Variants in FAM178B observed in about 807,000 individuals in gnomAD.
FAM178B encodes family with sequence similarity 178 member B, also known as protein FAM178B.
Under a neutral mutation model 91.7 loss-of-function variants are expected in FAM178B, and 82 were observed. The observed-to-expected ratio is 0.89, with a 90% CI of 0.75 to 1.07. The LOEUF is 1.07. Ranked by LOEUF, FAM178B falls within the 50% of genes least tolerant of loss-of-function variation. The pLI is 0.00. For synonymous variants in FAM178B, 368 were observed against 359.4 expected (o/e 1.02, Z -0.27); for missense variants, 769 against 846.7 (o/e 0.91, Z 1.14).
At chr2:96,964,824 CA>C (rs2082124476) in intron 5 of FAM178B, among the ~76,000 whole-genome samples, 1 of 152,072 alleles carries the variant, frequency 6.6e-6, no homozygotes, top group African/African-American at 2.4e-5. Flanking sequence ...AATCATACGT[CA>C]ATCATTCCCA....
At chr2:96,979,314 C>G (rs912236097) in intron 1 of FAM178B, among the ~76,000 whole-genome samples, 12 of 125,210 alleles carry the variant, frequency 9.6e-5, no homozygotes, top group African/African-American at 3.5e-4. Context: ...GAGTCGCACT[C>G]TGTCATCCAG....
Position 96,986,363 on chromosome 2 carries a change from C to T in FAM178B, c.-50G>A. ...GGTGAGGGAGGGTGGCGGGAATTCGCACGGCCTCAGAGGACGGGGCCAGCT... is the reference window on the plus strand; with the variant it reads ...GGTGAGGGAGGGTGGCGGGAATTCGTACGGCCTCAGAGGACGGGGCCAGCT... On this transcript the variant is annotated 5_prime_UTR_variant, in exon 1 of 17. Coordinates refer to ENST00000490605, the MANE Select transcript of FAM178B (RefSeq NM_001122646.3). 6.6e-7 allele frequency: 1 copy of T among 1,525,024 alleles called. No homozygotes were observed. The highest frequency in any genetic ancestry group is 8.8e-7 in the Non-Finnish European group (1 of 1,142,818). 94.5% of individuals were successfully genotyped at this position (1,525,024 alleles called of 1,614,324 possible).
chr2:96,905,481 C>A (rs1304876295), intron 12 of FAM178B, among the ~76,000 whole-genome samples: 1 of 149,422 alleles, frequency 6.7e-6, no homozygotes, highest in Admixed American at 6.7e-5. Flanking sequence ...TGCTTGAACC[C>A]GGGAGGCAGA....
intron 7 of FAM178B, chr2:96,950,125 G>A (rs1272653006): frequency 1.3e-5 from 13 of 985,404 alleles, no homozygotes; most frequent in Non-Finnish European, 1.4e-5. Context: ...ACGCCCCCGG[G>A]AAGGCACTCC....
chr2:96,949,894 C>T, intron 7 of FAM178B: 3 of 821,344 alleles, frequency 3.7e-6, no homozygotes, highest in Non-Finnish European at 4.4e-6. Context: ...AGGCCTGGCT[C>T]CGAGGCACAG....
intron 15 of FAM178B, 64 bp downstream of exon 15, chr2:96,878,351 CG>C (rs1248345400): frequency 9.4e-5 from 141 of 1,493,608 alleles, no homozygotes; most frequent in East Asian, 4.0e-4. Context: ...AGCCAACCCC[CG>C]CCGCTTGGGG....
intron 12 of FAM178B, among the ~76,000 whole-genome samples, chr2:96,905,573 A>G (rs1405137672): frequency 2.9e-4 from 44 of 150,466 alleles, no homozygotes; most frequent in African/African-American, 2.4e-5. Flanking sequence ...AAAAAAAGAA[A>G]AAGAAAAAGA....
chr2:96,940,245 T>C (rs2081704291), intron 8 of FAM178B, among the ~76,000 whole-genome samples: 1 of 152,156 alleles, frequency 6.6e-6, no homozygotes. Flanking sequence ...GAGAACGGTA[T>C]GGGGTCCAGG....
chr2:96,954,976 G>A (rs2081978458), intron 6 of FAM178B, among the ~76,000 whole-genome samples: 1 of 152,138 alleles, frequency 6.6e-6, no homozygotes, highest in Non-Finnish European at 1.5e-5. Flanking sequence ...TCTTGAGCCG[G>A]GAGTTGGAGG....
At chr2:96,972,749 G>T in intron 1 of FAM178B, 143 bp from the exon 2 acceptor site, 1 of 654,220 alleles carries the variant, frequency 1.5e-6, no homozygotes, top group Non-Finnish European at 2.6e-6. Flanking sequence ...ATCCCACCAA[G>T]GTCAAGTTGC....
At position 96,929,209 on chromosome 2, in the gene FAM178B, C is replaced by T; in HGVS notation, c.1190G>A (p.Gly397Asp). The change falls in exon 9 of 17, where the codon GGC (glycine) becomes GAC (aspartate). Residue 397 changes from glycine (G) to aspartate (D), a missense_variant. Gly to Asp is a moderately conservative substitution (Grantham distance 94, BLOSUM62 -1). Coordinates refer to ENST00000490605, the MANE Select transcript of FAM178B (RefSeq NM_001122646.3). Reference sequence around the variant, plus strand: ...GTGAGGAAGCAGAAGTACTCACCTGCCACCGTGCCAAAAGGGCCCCAGAGG... The same window carrying T: ...GTGAGGAAGCAGAAGTACTCACCTGTCACCGTGCCAAAAGGGCCCCAGAGG... The part of the protein sequence containing the change: ...LYPLGPFWHG[G>D]RVLPGEAGLN... 2 of 1,549,068 alleles carry T rather than the reference C, an allele frequency of 1.3e-6. No homozygotes were observed. Among genetic ancestry groups the T allele is most frequent in the Non-Finnish European group, 1.7e-6 (2 of 1,144,710 alleles).
chr2:96,924,935 T>G (rs1420258539), intron 9 of FAM178B, among the ~76,000 whole-genome samples: 3 of 151,990 alleles, frequency 2.0e-5, no homozygotes, highest in Admixed American at 2.0e-4. Flanking sequence ...GGAGGAGAGA[T>G]CTGTCTCCGA....
intron 8 of FAM178B, among the ~76,000 whole-genome samples, chr2:96,933,470 C>T (rs866259537): frequency 6.6e-6 from 1 of 152,150 alleles, no homozygotes; most frequent in Non-Finnish European, 1.5e-5. Context: ...AATTCACTAC[C>T]GTTCTCCTGG....
chr2:96,976,219 G>C (rs893919676), intron 1 of FAM178B, among the ~76,000 whole-genome samples: 3 of 151,098 alleles, frequency 2.0e-5, no homozygotes, highest in Non-Finnish European at 2.9e-5. Context: ...CTCAGCCTCC[G>C]AGTAGCTGGG....
chr2:96,972,011 C>A lies in FAM178B; in HGVS notation c.454G>T (p.Glu152Ter). 1 of 1,554,650 alleles carries A rather than the reference C, an allele frequency of 6.4e-7. No homozygotes were observed. Among genetic ancestry groups the A allele is most frequent in the Non-Finnish European group, 8.7e-7 (1 of 1,149,510 alleles). ...TCCAGGTGTTCCTGCTCCAACTCCTCGGGCAGCTCACCAGCCAGTCTCCTC... is the reference window on the plus strand; with the variant it reads ...TCCAGGTGTTCCTGCTCCAACTCCTAGGGCAGCTCACCAGCCAGTCTCCTC... The part of the protein sequence containing the change: ...GLRRLAGELP[E>*]ELEQEHLDLD... The change falls in exon 3 of 17, where the codon GAG (glutamate) becomes TAG (stop). Residue 152 changes from glutamate (E) to a stop codon, truncating the protein, a stop_gained. Coordinates refer to ENST00000490605, the MANE Select transcript of FAM178B (RefSeq NM_001122646.3). LOFTEE classifies it high-confidence loss of function.
chr2:96,881,663 C>T (rs557983945), intron 14 of FAM178B, among the ~76,000 whole-genome samples: 1 of 150,218 alleles, frequency 6.7e-6, no homozygotes, highest in South Asian at 2.1e-4. Flanking sequence ...TGTCAGTGGA[C>T]TTACCCCAGG....
chr2:96,882,102 G>A (rs1216964119), intron 14 of FAM178B, among the ~76,000 whole-genome samples: 1 of 152,182 alleles, frequency 6.6e-6, no homozygotes, highest in Non-Finnish European at 1.5e-5. Flanking sequence ...TCTCCTCCCT[G>A]CATTTCCCCA....
chr2:96,928,833 T>C (rs1355197591), intron 9 of FAM178B, among the ~76,000 whole-genome samples: 3 of 151,940 alleles, frequency 2.0e-5, no homozygotes, highest in African/African-American at 7.3e-5. Flanking sequence ...ACAGCCTGAG[T>C]CCAGCAACTT....
At chr2:96,916,085 T>C (rs1397447402) in intron 12 of FAM178B, among the ~76,000 whole-genome samples, 1 of 152,230 alleles carries the variant, frequency 6.6e-6, no homozygotes, top group East Asian at 1.9e-4. Flanking sequence ...AGTTCTTCAC[T>C]ATCATGACAT....
Sources: gnomAD v4.1 joint callset for allele counts (sites outside exome capture counted in the v4.1 genomes callset) on GRCh38, gnomAD v4.1.1 for gene constraint, MANE v1.5 for transcripts, NCBI Gene and HGNC (gene_info 2026-07-23, HGNC 2026-07-21) for gene names.